Variants in SAMSN1 observed in about 807,000 individuals in gnomAD.
SAMSN1 encodes SAM domain-containing protein SAMSN-1.
Under a neutral mutation model 42.0 loss-of-function variants are expected in SAMSN1, and 31 were observed. That is an observed-to-expected ratio of 0.74 (90% CI 0.55 to 1.00). The LOEUF is 1.00. Ranked by LOEUF, SAMSN1 falls within the 50% of genes least tolerant of loss-of-function variation. The pLI is 0.00. For synonymous variants in SAMSN1, 178 were observed against 151.9 expected (o/e 1.17, Z -1.26); for missense variants, 464 against 439.4 (o/e 1.06, Z -0.50).
At chr21:14,551,956 A>C (rs564537533) in intron 2 of SAMSN1, among the ~76,000 whole-genome samples, 1 of 152,194 alleles carries the variant, frequency 6.6e-6, no homozygotes, top group South Asian at 2.1e-4. Context: ...ATAAAATGGG[A>C]ATGATTAATT....
At chr21:14,637,471 T>A (rs938148473) in intron 2 of SAMSN1, among the ~76,000 whole-genome samples, 1 of 152,238 alleles carries the variant, frequency 6.6e-6, no homozygotes, top group African/African-American at 2.4e-5. Flanking sequence ...AACTAAAATG[T>A]GTGAGTCACG....
chr21:14,517,283 C>A (rs543447786), intron 2 of SAMSN1, among the ~76,000 whole-genome samples: 6 of 152,296 alleles, frequency 3.9e-5, no homozygotes, highest in African/African-American at 1.4e-4. Context: ...CTCACATCTG[C>A]AACTCTTTTA....
intron 2 of SAMSN1, among the ~76,000 whole-genome samples, chr21:14,625,056 G>A (rs1983127588): frequency 6.6e-6 from 1 of 152,012 alleles, no homozygotes. Flanking sequence ...ATGCAGAAAA[G>A]GCCTTTGACA....
chr21:14,594,106 C>T (rs1479593897), intron 6 of SAMSN1: 7 of 668,528 alleles, frequency 1.0e-5, no homozygotes, highest in Non-Finnish European at 1.4e-5. Flanking sequence ...GAAATAGAGA[C>T]AACTAATGTT....
intron 2 of SAMSN1, among the ~76,000 whole-genome samples, chr21:14,577,284 A>ATTT (rs58491748): frequency 0.015 from 792 of 53,810 alleles, 75 homozygotes; most frequent in Middle Eastern, 0.044. Context: ...ATATATATAT[A>ATTT]TTTTTTTTTT....
intron 7 of SAMSN1, among the ~76,000 whole-genome samples, chr21:14,492,292 C>T (rs2123654974): frequency 6.6e-6 from 1 of 152,302 alleles, no homozygotes; most frequent in South Asian, 2.1e-4. Context: ...TATTCATAAA[C>T]TAATCTTGAC....
chr21:14,658,837 T>C (rs1052650268), upstream of SAMSN1: 1 of 713,652 alleles, frequency 1.4e-6, no homozygotes, highest in African/African-American at 1.7e-5. Context: ...TAGCTCTCTC[T>C]TGCCTTCACA....
At chr21:14,568,011 T>C (rs535856632) in intron 2 of SAMSN1, among the ~76,000 whole-genome samples, 58 of 152,314 alleles carry the variant, frequency 3.8e-4, no homozygotes, top group African/African-American at 1.3e-3. Flanking sequence ...TCTAAAACTT[T>C]GGTGAGCATA....
At chr21:14,587,744 C>CTTA (rs151216630), upstream of SAMSN1, among the ~76,000 whole-genome samples, 4 of 150,742 alleles carry the variant, frequency 2.7e-5, no homozygotes, top group East Asian at 1.9e-4. Context: ...TATCCATCAC[C>CTTA]TTATTTATTT....
intron 2 of SAMSN1, among the ~76,000 whole-genome samples, chr21:14,563,154 G>T (rs575629150): frequency 0.015 from 1,747 of 117,830 alleles, 16 homozygotes; most frequent in Non-Finnish European, 0.019. Context: ...TTCATATTCT[G>T]CAATGTCATC....
intron 2 of SAMSN1, among the ~76,000 whole-genome samples, chr21:14,520,883 T>G (rs549932258): frequency 6.6e-6 from 1 of 152,014 alleles, no homozygotes; most frequent in East Asian, 1.9e-4. Flanking sequence ...TCCTCTTTTT[T>G]TTTTTCCTTT....
chr21:14,601,482 G>A (rs1292682734), intron 6 of SAMSN1, among the ~76,000 whole-genome samples: 2 of 152,184 alleles, frequency 1.3e-5, no homozygotes, highest in Admixed American at 6.5e-5. Context: ...CCTCATGGCT[G>A]TCAGAGAAAA....
chr21:14,508,556 G>C (rs905620663), intron 5 of SAMSN1, among the ~76,000 whole-genome samples: 1 of 152,096 alleles, frequency 6.6e-6, no homozygotes, highest in Non-Finnish European at 1.5e-5. Context: ...TTAAAAAATT[G>C]CAGATGTTAG....
At chr21:14,582,734 A>G (rs1981783367) in intron 1 of SAMSN1, among the ~76,000 whole-genome samples, 3 of 152,158 alleles carry the variant, frequency 2.0e-5, no homozygotes, top group Non-Finnish European at 1.5e-5. Context: ...ATTAAATTCT[A>G]TCTCACTGGA....
At chr21:14,525,998 TG>T (rs377380468) in intron 1 of SAMSN1, among the ~76,000 whole-genome samples, 19 of 152,224 alleles carry the variant, frequency 1.2e-4, no homozygotes, top group Middle Eastern at 3.4e-3. Context: ...CCCGAGTAGC[TG>T]GGATTACAGG....
chr21:14,651,005 T>A (rs945251979), intron 1 of SAMSN1, among the ~76,000 whole-genome samples: 1 of 151,742 alleles, frequency 6.6e-6, no homozygotes, highest in African/African-American at 2.4e-5. Context: ...AAAAGACCAA[T>A]AACAAGTTAC....
At chr21:14,631,348 T>C (rs373869676) in intron 2 of SAMSN1, among the ~76,000 whole-genome samples, 1 of 152,356 alleles carries the variant, frequency 6.6e-6, no homozygotes, top group East Asian at 1.9e-4. Context: ...TCTCATTTTA[T>C]AGGAGAAGAA....
intron 6 of SAMSN1, 148 bp from the exon 7 acceptor site, chr21:14,498,740 A>G: frequency 5.3e-6 from 3 of 567,812 alleles, no homozygotes; most frequent in Non-Finnish European, 8.8e-6. Context: ...TTCGTTTCTG[A>G]CATATGAACT....
At chr21:14,505,538 A>C (rs1263164063) in intron 5 of SAMSN1, among the ~76,000 whole-genome samples, 1 of 152,268 alleles carries the variant, frequency 6.6e-6, no homozygotes, top group Non-Finnish European at 1.5e-5. Flanking sequence ...CTTGTCTAAC[A>C]GGAAAATATC....
Sources: gnomAD v4.1 joint callset for allele counts (sites outside exome capture counted in the v4.1 genomes callset) on GRCh38, gnomAD v4.1.1 for gene constraint, MANE v1.5 for transcripts, NCBI Gene and HGNC (gene_info 2026-07-23, HGNC 2026-07-21) for gene names.